The following DCDC2 variants were observed in gnomAD, a reference collection of about 807,000 sequenced individuals.
DCDC2 encodes doublecortin domain-containing protein 2.
A neutral mutation model predicts 50.2 loss-of-function variants in DCDC2; 40 were observed. The observed-to-expected ratio is 0.80, with a 90% CI of 0.62 to 1.04. The LOEUF (loss-of-function observed/expected upper bound fraction) is 1.04, where lower values mean the gene tolerates loss of function less well. Among genes scored for constraint, DCDC2 ranks in the 50% least tolerant of loss-of-function variants. DCDC2 has a pLI of 0.00. For missense variants in DCDC2, 570 were observed against 581.9 expected (o/e 0.98, Z 0.21); for synonymous variants, 234 against 210.6 (o/e 1.11, Z -0.96).
intron 2 of DCDC2, among the ~76,000 whole-genome samples, chr6:24,312,304 T>C (rs1323271843): frequency 6.6e-6 from 1 of 152,176 alleles, no homozygotes; most frequent in Admixed American, 6.5e-5. Context: ...TGGTGGTCTC[T>C]TCACATGGAC....
rs1037593053 is a variant in DCDC2, at chr6:24,234,972, T to A, written c.923-29870A>T. Reference sequence around the variant, plus strand: ...TTAATAACAAAATCAAGGCCCAAAATGATCCTGACAAACTGAAATATGGAT... The same window carrying A: ...TTAATAACAAAATCAAGGCCCAAAAAGATCCTGACAAACTGAAATATGGAT... On this transcript the variant is annotated intron_variant, in intron 7 of 9. Coordinates refer to ENST00000378454, the MANE Select transcript of DCDC2 (RefSeq NM_016356.5). 2.6e-5 allele frequency among the ~76,000 whole-genome samples: 4 copies of A among 152,166 alleles called. No individual in the cohort carries two copies. In the East Asian group the frequency reaches 7.7e-4, roughly 29 times the overall value.
chr6:24,291,861 A>G (rs992209285), intron 4 of DCDC2, among the ~76,000 whole-genome samples: 2 of 152,206 alleles, frequency 1.3e-5, no homozygotes, highest in Non-Finnish European at 2.9e-5. Flanking sequence ...CTGTGTAAGA[A>G]CAGCCCTCAA....
At chr6:24,203,564 A>G (rs577982234) in intron 8 of DCDC2, among the ~76,000 whole-genome samples, 12 of 152,384 alleles carry the variant, frequency 7.9e-5, no homozygotes, top group South Asian at 4.1e-4. Flanking sequence ...ACCATTCAGG[A>G]CATAGGCATG....
intron 7 of DCDC2, among the ~76,000 whole-genome samples, chr6:24,241,100 T>C (rs1296068961): frequency 1.3e-5 from 2 of 152,240 alleles, no homozygotes; most frequent in Non-Finnish European, 2.9e-5. Context: ...CTTTGGCTTA[T>C]AAAGCCCATG....
chr6:24,288,271 G>A (rs960787708), intron 6 of DCDC2, among the ~76,000 whole-genome samples: 1 of 152,348 alleles, frequency 6.6e-6, no homozygotes, highest in Admixed American at 6.5e-5. Flanking sequence ...ATGACATGGA[G>A]CTCACCCCAT....
At chr6:24,359,470 A>T (rs10946692), upstream of DCDC2, among the ~76,000 whole-genome samples, 5 of 12,674 alleles carry the variant, frequency 3.9e-4, no homozygotes, top group South Asian at 6.5e-3. Flanking sequence ...TATACTATAT[A>T]ATATATATTT....
rs1760499818 is a variant in DCDC2, at chr6:24,357,630, CCTT to C, written c.118_120del (p.Lys40del). On this transcript the variant is annotated inframe_deletion, in exon 1 of 10. Coordinates refer to ENST00000378454, the MANE Select transcript of DCDC2 (RefSeq NM_016356.5). ...TTCAGGAAGACTTCGAAGCTGGACA[CCTT>C]CTTCTCATGGATGACGACGCGGCGC... The C allele has an allele frequency of 1.2e-6, 2 of 1,613,494 alleles. No individual in the cohort carries two copies. Among genetic ancestry groups the C allele is most frequent in the African/African-American group, 1.3e-5 (1 of 75,060 alleles).
chr6:24,215,746 T>A (rs1486690643), intron 7 of DCDC2, among the ~76,000 whole-genome samples: 1 of 151,714 alleles, frequency 6.6e-6, no homozygotes, highest in Non-Finnish European at 1.5e-5. Flanking sequence ...AGCATAGGAG[T>A]CTGCATCAGC....
At chr6:24,187,042 T>G (rs1035563027) in intron 8 of DCDC2, among the ~76,000 whole-genome samples, 10 of 152,118 alleles carry the variant, frequency 6.6e-5, no homozygotes, top group African/African-American at 2.4e-4. Flanking sequence ...GTCTGCAGTG[T>G]TTTGTTATGG....
intron 1 of DCDC2, 21 bp from the exon 2 acceptor site, chr6:24,353,644 C>A: frequency 6.8e-7 from 1 of 1,481,118 alleles, no homozygotes; most frequent in Non-Finnish European, 9.2e-7. Context: ...AACAAACAAA[C>A]AATAAGAGTT....
intron 7 of DCDC2, among the ~76,000 whole-genome samples, chr6:24,259,080 G>T (rs142121912): frequency 1.3e-5 from 2 of 151,760 alleles, no homozygotes; most frequent in Admixed American, 6.6e-5. Flanking sequence ...TTCCACTAGC[G>T]TGGGTCACAC....
chr6:24,183,304 A>T (rs1263418169), intron 8 of DCDC2, among the ~76,000 whole-genome samples: 1 of 152,242 alleles, frequency 6.6e-6, no homozygotes, highest in Non-Finnish European at 1.5e-5. Flanking sequence ...ATATGCCATT[A>T]TGAGTATATT....
At chr6:24,225,698 G>A (rs1762218840) in intron 7 of DCDC2, among the ~76,000 whole-genome samples, 1 of 144,712 alleles carries the variant, frequency 6.9e-6, no homozygotes, top group African/African-American at 2.5e-5. Context: ...CTCTTAGAAA[G>A]TTTTCACACA....
At chr6:24,349,899 A>T (rs1242030228) in intron 2 of DCDC2, among the ~76,000 whole-genome samples, 1 of 152,158 alleles carries the variant, frequency 6.6e-6, no homozygotes, top group Non-Finnish European at 1.5e-5. Context: ...CTCTGAGCCC[A>T]TATGGTGCCC....
chr6:24,324,354 G>A (rs1759823191), intron 2 of DCDC2, among the ~76,000 whole-genome samples: 1 of 152,078 alleles, frequency 6.6e-6, no homozygotes, highest in African/African-American at 2.4e-5. Context: ...CCTAAGAAAG[G>A]AAAATGAATG....
intron 8 of DCDC2, among the ~76,000 whole-genome samples, chr6:24,180,328 T>A (rs556456462): frequency 2.2e-4 from 34 of 152,134 alleles, no homozygotes; most frequent in South Asian, 1.0e-3. Context: ...TCTGTCGCCC[T>A]GGCTGGAGTG....
At chr6:24,344,805 GA>G (rs1316000756) in intron 2 of DCDC2, among the ~76,000 whole-genome samples, 1 of 152,172 alleles carries the variant, frequency 6.6e-6, no homozygotes, top group African/African-American at 2.4e-5. Context: ...TTCTTTAGCA[GA>G]AAACCTTGGT....
At chr6:24,232,016 CACACACACACACAT>C (rs948611309) in intron 7 of DCDC2, among the ~76,000 whole-genome samples, 7 of 103,464 alleles carry the variant, frequency 6.8e-5, no homozygotes, top group Admixed American at 1.1e-4. Context: ...CACACACACA[CACACACACACACAT>C]ACACACATAC....
At chr6:24,206,464 T>G (rs1269483189) in intron 7 of DCDC2, among the ~76,000 whole-genome samples, 1 of 152,166 alleles carries the variant, frequency 6.6e-6, no homozygotes, top group Admixed American at 6.6e-5. Context: ...GAAATTACCT[T>G]GAAAAACAAC....
Sources: gnomAD v4.1 joint callset for allele counts (sites outside exome capture counted in the v4.1 genomes callset) on GRCh38, gnomAD v4.1.1 for gene constraint, MANE v1.5 for transcripts, NCBI Gene and HGNC (gene_info 2026-07-23, HGNC 2026-07-21) for gene names.